NEO1: variants seen among roughly 807,000 people sequenced by gnomAD.
NEO1 encodes neogenin.
In NEO1, 63 loss-of-function variants were observed where a neutral mutation model predicts 159.7. The observed-to-expected ratio is 0.39, with a 90% confidence interval of 0.32 to 0.49. The LOEUF is 0.49. Among genes scored for constraint, NEO1 ranks in the 20% least tolerant of loss-of-function variants. The pLI, the probability that NEO1 is intolerant of heterozygous loss-of-function variation, is 0.85. For synonymous variants in NEO1, 633 were observed against 662.0 expected (o/e 0.96, Z 0.67); for missense variants, 1,615 against 1,831.0 (o/e 0.88, Z 2.15).
intron 1 of NEO1, among the ~76,000 whole-genome samples, chr15:73,060,842 G>T (rs865995304): frequency 6.7e-6 from 1 of 150,344 alleles, no homozygotes; most frequent in Non-Finnish European, 1.5e-5. Flanking sequence ...TACAGACAGG[G>T]TTTCACCATA....
rs531124417 is a variant in NEO1 at position 73,279,164 on chromosome 15, C to A, written c.3262+965C>A. ...AGAACCAGACAAACTTAACATCCTT[C>A]CAGAAATAATTGTGCTCCAGGTTCT... On this transcript the variant is annotated intron_variant, in intron 22 of 28. Transcript: ENST00000261908. 5.3e-5 allele frequency among the ~76,000 whole-genome samples: 8 copies of A among 152,234 alleles called. No individual in the cohort carries two copies. In the East Asian group the frequency reaches 1.4e-3, roughly 26 times the overall value.
At chr15:73,203,205 C>T (rs2037004677) in intron 7 of NEO1, among the ~76,000 whole-genome samples, 1 of 152,134 alleles carries the variant, frequency 6.6e-6, no homozygotes, top group East Asian at 1.9e-4. Context: ...GTGGCTGTAC[C>T]ATTTTACATG....
intron 5 of NEO1, among the ~76,000 whole-genome samples, chr15:73,165,078 C>T (rs1242867485): frequency 1.3e-5 from 2 of 150,982 alleles, no homozygotes; most frequent in Admixed American, 1.3e-4. Context: ...TAGGCATGTT[C>T]CACATGCCTG....
Position 73,249,075 on chromosome 15 carries a change from C to T in NEO1, c.1622C>T (p.Pro541Leu). The T allele has an allele frequency of 1.9e-6, 3 of 1,614,006 alleles. No homozygotes were observed. Among genetic ancestry groups the T allele is most frequent in the Non-Finnish European group, 2.5e-6 (3 of 1,179,940 alleles). ...ETQPEVQLPG[P>L]APNLRAYAAS... ...TTCTTTCTAGTTCAGCTCCCTGGCC[C>T]AGCACCTAACCTTCGTGCATATGCA... The change falls in exon 10 of 29, where the codon CCA (proline) becomes CTA (leucine). Residue 541 changes from proline (P) to leucine (L), a missense_variant. Pro to Leu is a moderately conservative substitution (Grantham distance 98). This residue lies in a region of NEO1 where 1,018 missense variants were observed against 1,115.4 expected (regional missense o/e 0.91). Coordinates refer to ENST00000261908, the MANE Select transcript of NEO1 (RefSeq NM_002499.4).
At chr15:73,134,086 TTAG>T (rs1314292520) in intron 4 of NEO1, among the ~76,000 whole-genome samples, 1 of 152,340 alleles carries the variant, frequency 6.6e-6, no homozygotes, top group Non-Finnish European at 1.5e-5. Context: ...TTTCTGAAAC[TTAG>T]TAGTAAATTT....
upstream of NEO1, chr15:73,052,419 C>CT (rs967172960): frequency 1.1e-5 from 1 of 87,476 alleles, no homozygotes; most frequent in Non-Finnish European, 3.0e-5. Flanking sequence ...ACCGCCCCCC[C>CT]CCCCCCGCCC....
chr15:73,257,773 A>G lies in NEO1; in HGVS notation c.2093-993A>G, dbSNP rs182740549. 5.9e-5 allele frequency among the ~76,000 whole-genome samples: 9 copies of G among 152,304 alleles called. No individual in the cohort carries two copies. In the East Asian group the frequency reaches 1.7e-3, roughly 29 times the overall value. The stretch of plus-strand genomic sequence containing the variant: ...CTCTCTTACATCCCAGTGGTCCCCA[A>G]AGGACAGGGAATGATTGGTTGGATT... On this transcript the variant is annotated intron_variant, in intron 13 of 28. Coordinates refer to ENST00000261908, the MANE Select transcript of NEO1 (RefSeq NM_002499.4).
rs1325812830 is a variant in NEO1 at position 73,258,518 on chromosome 15, C to G, written c.2093-248C>G. 2.6e-5 allele frequency among the ~76,000 whole-genome samples: 4 copies of G among 152,266 alleles called. No individual in the cohort carries two copies. In the East Asian group the frequency reaches 7.7e-4, roughly 29 times the overall value. ...AAGCTCTTAAACAAAAGTCTGTAATCTCCTGGGAGCTTCAGTCATTTCTGT... is the reference window on the plus strand; with the variant it reads ...AAGCTCTTAAACAAAAGTCTGTAATGTCCTGGGAGCTTCAGTCATTTCTGT... On this transcript the variant is annotated intron_variant, in intron 13 of 28. Coordinates refer to ENST00000261908, the MANE Select transcript of NEO1 (RefSeq NM_002499.4).
chr15:73,204,804 T>G (rs2152068059), intron 7 of NEO1, among the ~76,000 whole-genome samples: 1 of 152,316 alleles, frequency 6.6e-6, no homozygotes, highest in Non-Finnish European at 1.5e-5. Flanking sequence ...GTTTGGGGCA[T>G]GAAAATATTA....
At position 73,260,323 on chromosome 15, in the gene NEO1, T is replaced by G; in HGVS notation, c.2256T>G (p.Thr752=). 1 of 1,614,064 alleles carries G rather than the reference T, an allele frequency of 6.2e-7. No individual in the cohort carries two copies. The highest frequency in any genetic ancestry group is 1.1e-5 in the South Asian group (1 of 91,068). Residue 752 remains threonine, a synonymous_variant, in exon 15 of 29, where the codon ACT becomes ACG. Transcript: ENST00000261908. ...PSSLHVRPLV[T]SIVVSWTPPE... is the part of the protein sequence containing the mutation. ...CTCTTCACGTACGCCCGCTCGTTAC[T>G]AGCATCGTAGTGAGCTGGACTCCTC...
intron 7 of NEO1, among the ~76,000 whole-genome samples, chr15:73,230,177 G>T (rs1317677405): frequency 6.6e-6 from 1 of 152,096 alleles, no homozygotes; most frequent in Non-Finnish European, 1.5e-5. Flanking sequence ...TTTGGACTTA[G>T]AATTTTCTTT....
In NEO1 at chr15:73,304,709, C is replaced by G. The variant is rs914964859; in HGVS notation, c.*2013C>G. On this transcript the variant is annotated 3_prime_UTR_variant, in exon 29 of 29. Coordinates refer to ENST00000261908, the MANE Select transcript of NEO1 (RefSeq NM_002499.4). ...GATTCCCCAGAAACTACCTTTTGCC[C>G]AAAGAACATGCTCAGTATTTGGGGC... 1 of 151,630 alleles carries G rather than the reference C, an allele frequency of 6.6e-6. No individual in the cohort carries two copies. The highest frequency in any genetic ancestry group is 2.4e-5 in the African/African-American group (1 of 41,310). 9.4% of individuals were successfully genotyped at this position (151,630 alleles called of 1,614,324 possible).
intron 1 of NEO1, among the ~76,000 whole-genome samples, chr15:73,082,319 GT>G (rs1410744271): frequency 6.6e-6 from 1 of 152,144 alleles, no homozygotes; most frequent in East Asian, 1.9e-4. Flanking sequence ...ATGCGATAGA[GT>G]AGGTAAATTT....
intron 1 of NEO1, 42 bp from the exon 2 acceptor site, chr15:73,116,498 G>A (rs2071328775): frequency 1.4e-6 from 2 of 1,459,914 alleles, no homozygotes; most frequent in Non-Finnish European, 1.8e-6. Context: ...AATAATAGAA[G>A]AGAGATTTGC....
At chr15:73,164,196 T>G (rs1281322077) in intron 5 of NEO1, among the ~76,000 whole-genome samples, 4 of 149,578 alleles carry the variant, frequency 2.7e-5, no homozygotes, top group Non-Finnish European at 5.9e-5. Flanking sequence ...CCCCGCTGAT[T>G]ATTATTATTA....
At chr15:73,215,522 G>C (rs923366244) in intron 7 of NEO1, among the ~76,000 whole-genome samples, 1 of 152,162 alleles carries the variant, frequency 6.6e-6, no homozygotes, top group African/African-American at 2.4e-5. Context: ...TGCTTTCTCT[G>C]CATCTATTGA....
At chr15:73,137,450 A>AT (rs1158242648) in intron 5 of NEO1, among the ~76,000 whole-genome samples, 8 of 151,924 alleles carry the variant, frequency 5.3e-5, no homozygotes, top group African/African-American at 1.9e-4. Context: ...TTTTATTTTG[A>AT]TTTTTTTTGA....
chr15:73,292,054 G>T (rs1432491113), intron 25 of NEO1, among the ~76,000 whole-genome samples: 1 of 152,080 alleles, frequency 6.6e-6, no homozygotes, highest in African/African-American at 2.4e-5. Flanking sequence ...GCACAACCTG[G>T]AGCCTCTGGT....
intron 1 of NEO1, among the ~76,000 whole-genome samples, chr15:73,083,675 G>A (rs149417115): frequency 0.012 from 1,839 of 152,062 alleles, 12 homozygotes; most frequent in Non-Finnish European, 0.02. Context: ...ATGTTGTTTT[G>A]TGTGTTTTTA....
Sources: gnomAD v4.1 joint callset for allele counts (sites outside exome capture counted in the v4.1 genomes callset) on GRCh38, gnomAD v4.1.1 for gene constraint, gnomAD v4.1.1 regional missense constraint, MANE v1.5 for transcripts, NCBI Gene and HGNC (gene_info 2026-07-23, HGNC 2026-07-21) for gene names.